The following USH2A variants were observed in gnomAD, a reference collection of about 807,000 sequenced individuals.
USH2A encodes usherin, also known as Usher syndrome 2A (autosomal recessive, mild).
Under a neutral mutation model 538.9 loss-of-function variants are expected in USH2A, and 443 were observed. That is an observed-to-expected ratio of 0.82 (90% CI 0.76 to 0.89). The LOEUF (loss-of-function observed/expected upper bound fraction) is 0.89, where lower values mean the gene tolerates loss of function less well. Among genes scored for constraint, USH2A ranks in the 40% least tolerant of loss-of-function variants. The probability of loss-of-function intolerance (pLI) is 0.00; values close to 1 mark genes in which losing one functional copy is unlikely to be tolerated. For missense variants in USH2A, 6,633 were observed against 6,324.8 expected (o/e 1.05, Z -1.65); for synonymous variants, 2,413 against 2,273.5 (o/e 1.06, Z -1.75).
intron 61 of USH2A, among the ~76,000 whole-genome samples, chr1:215,707,276 AG>A (rs1398377057): frequency 6.6e-6 from 1 of 152,214 alleles, no homozygotes; most frequent in Non-Finnish European, 1.5e-5. Flanking sequence ...ACTAACACCC[AG>A]GAAGAGTCCA....
At chr1:215,934,091 T>C (rs980028858) in intron 38 of USH2A, among the ~76,000 whole-genome samples, 4 of 152,004 alleles carry the variant, frequency 2.6e-5, no homozygotes, top group Non-Finnish European at 5.9e-5. Flanking sequence ...CTGTAATTAT[T>C]AGGATCAGGA....
At chr1:216,298,861 G>C (rs1266547510) in intron 9 of USH2A, among the ~76,000 whole-genome samples, 2 of 144,316 alleles carry the variant, frequency 1.4e-5, no homozygotes, top group African/African-American at 5.2e-5. Flanking sequence ...TTTTTTTTGA[G>C]ACGGAGTCTC....
At chr1:216,211,081 C>T (rs1265812439) in intron 15 of USH2A, among the ~76,000 whole-genome samples, 1 of 152,012 alleles carries the variant, frequency 6.6e-6, no homozygotes, top group African/African-American at 2.4e-5. Context: ...GGGTGTGACA[C>T]CTAGGGAGGA....
At chr1:216,045,072 C>T (rs575043726) in intron 32 of USH2A, among the ~76,000 whole-genome samples, 1 of 152,150 alleles carries the variant, frequency 6.6e-6, no homozygotes, top group South Asian at 2.1e-4. Flanking sequence ...CAGTATCTGG[C>T]CAGTTCCCTA....
chr1:215,976,563 G>T (rs1210800412), intron 35 of USH2A, among the ~76,000 whole-genome samples: 1 of 152,152 alleles, frequency 6.6e-6, no homozygotes, highest in Non-Finnish European at 1.5e-5. Flanking sequence ...TATCTATTGA[G>T]ATGATCGTGT....
At chr1:216,271,049 G>T (rs547952236) in intron 11 of USH2A, among the ~76,000 whole-genome samples, 1 of 152,196 alleles carries the variant, frequency 6.6e-6, no homozygotes, top group African/African-American at 2.4e-5. Context: ...CAAATTTTGT[G>T]ATACAATACT....
chr1:215,635,742 G>T (rs1656460773), intron 69 of USH2A, among the ~76,000 whole-genome samples: 1 of 152,002 alleles, frequency 6.6e-6, no homozygotes, highest in South Asian at 2.1e-4. Flanking sequence ...TTTTAGTAGA[G>T]ATGGGGTTTC....
At chr1:216,101,393 G>C (rs1009246882) in intron 21 of USH2A, among the ~76,000 whole-genome samples, 1 of 152,202 alleles carries the variant, frequency 6.6e-6, no homozygotes, top group East Asian at 1.9e-4. Context: ...AGAAGATTAT[G>C]TATTTACAGA....
chr1:215,732,829 C>G (rs1660044694), intron 60 of USH2A, among the ~76,000 whole-genome samples: 1 of 152,012 alleles, frequency 6.6e-6, no homozygotes, highest in Non-Finnish European at 1.5e-5. Context: ...GTGTGAGCCA[C>G]CACACCTGGC....
intron 22 of USH2A, among the ~76,000 whole-genome samples, chr1:216,090,255 T>A (rs2032264739): frequency 6.6e-6 from 1 of 151,988 alleles, no homozygotes; most frequent in Non-Finnish European, 1.5e-5. Context: ...GCTGAAGATG[T>A]ATATTGAAAA....
At chr1:215,768,570 G>T (rs1661194898) in intron 55 of USH2A, among the ~76,000 whole-genome samples, 1 of 152,120 alleles carries the variant, frequency 6.6e-6, no homozygotes, top group South Asian at 2.1e-4. Flanking sequence ...ATATTTACCT[G>T]ATTTACAGAT....
chr1:215,731,584 A>G (rs1303786848), intron 60 of USH2A, among the ~76,000 whole-genome samples: 2 of 152,184 alleles, frequency 1.3e-5, no homozygotes, highest in African/African-American at 4.8e-5. Flanking sequence ...AGTTAATTTA[A>G]TGTTGCCTAA....
intron 64 of USH2A, among the ~76,000 whole-genome samples, chr1:215,660,852 A>G (rs1294504704): frequency 6.6e-6 from 1 of 152,242 alleles, no homozygotes; most frequent in Non-Finnish European, 1.5e-5. Flanking sequence ...AGATAAATCA[A>G]TTAACAAGAA....
intron 37 of USH2A, among the ~76,000 whole-genome samples, chr1:215,964,738 A>T (rs1667293703): frequency 6.6e-6 from 1 of 152,206 alleles, no homozygotes; most frequent in Non-Finnish European, 1.5e-5. Context: ...TAAAATAAAC[A>T]TCATGCTACC....
chr1:216,333,787 G>A (rs566734445), intron 4 of USH2A, among the ~76,000 whole-genome samples: 195 of 152,072 alleles, frequency 1.3e-3, no homozygotes, highest in African/African-American at 4.0e-3. Context: ...AAACCATGGC[G>A]TCCAGAAGGG....
At chr1:216,132,514 A>G (rs1023923102) in intron 21 of USH2A, among the ~76,000 whole-genome samples, 1 of 152,062 alleles carries the variant, frequency 6.6e-6, no homozygotes, top group Admixed American at 6.6e-5. Context: ...GAAAACATTC[A>G]TTTCTAACCT....
rs563370514 is a variant in USH2A at position 215,782,925 on chromosome 1, G to C, written c.10398C>G (p.Leu3466=). ...VNTYSYTDVN[L]KPYMTYEYRI... Reference sequence around the variant, plus strand: ...TGTACTCATATGTCATGTAGGGCTTGAGGTTCACATCTGGAAAGAGAAAAA... The same window carrying C: ...TGTACTCATATGTCATGTAGGGCTTCAGGTTCACATCTGGAAAGAGAAAAA... Residue 3466 remains leucine (L), a synonymous_variant, in exon 53 of 72, where the codon CTC becomes CTG. Transcript: ENST00000307340. 4.2e-5 allele frequency: 67 copies of C among 1,613,282 alleles called. No individual in the cohort carries two copies. The highest frequency in any genetic ancestry group is 5.6e-5 in the Non-Finnish European group (66 of 1,179,694).
chr1:215,957,123 T>G (rs928884589), intron 37 of USH2A, among the ~76,000 whole-genome samples: 4 of 152,178 alleles, frequency 2.6e-5, no homozygotes, highest in Non-Finnish European at 5.9e-5. Context: ...TATACTTTCT[T>G]TTTTGCATAA....
chr1:215,721,020 C>T (rs374735123), intron 61 of USH2A, among the ~76,000 whole-genome samples: 1 of 152,144 alleles, frequency 6.6e-6, no homozygotes, highest in African/African-American at 2.4e-5. Flanking sequence ...CCTCTTTCCC[C>T]ACTGCAGATC....
Sources: gnomAD v4.1 joint callset for allele counts (sites outside exome capture counted in the v4.1 genomes callset) on GRCh38, gnomAD v4.1.1 for gene constraint, MANE v1.5 for transcripts, NCBI Gene and HGNC (gene_info 2026-07-23, HGNC 2026-07-21) for gene names.